Variants in SLC5A4 observed in about 807,000 individuals in gnomAD.
SLC5A4 encodes solute carrier family 5 member 4, also known as probable glucose sensor protein SLC5A4.
SLC5A4 carries 55 observed loss-of-function variants against 70.3 expected under a neutral mutation model. The observed-to-expected ratio is 0.78, with a 90% CI of 0.63 to 0.98. SLC5A4 has a LOEUF of 0.98. SLC5A4 is among the 50% of genes least tolerant of loss of function. The probability of loss-of-function intolerance (pLI) is 0.00; values close to 1 mark genes in which losing one functional copy is unlikely to be tolerated. For missense variants in SLC5A4, 735 were observed against 839.2 expected (o/e 0.88, Z 1.53); for synonymous variants, 268 against 305.7 (o/e 0.88, Z 1.29).
At chr22:32,348,564 C>CAGAA in the SLC5A4 span, among the ~76,000 whole-genome samples, 7 of 152,142 alleles carry the variant, frequency 4.6e-5, no homozygotes, top group Non-Finnish European at 5.9e-5. Flanking sequence ...AGAAAGAACT[C>CAGAA]AATATGAAAC....
chr22:32,307,210 G>A, the SLC5A4 span, among the ~76,000 whole-genome samples: 1 of 152,154 alleles, frequency 6.6e-6, no homozygotes, highest in African/African-American at 2.4e-5. Context: ...AGTCTGTTAA[G>A]GGCAAATCTG....
chr22:32,222,633 C>G (rs1241068896), intron 13 of SLC5A4, among the ~76,000 whole-genome samples: 1 of 152,158 alleles, frequency 6.6e-6, no homozygotes, highest in Non-Finnish European at 1.5e-5. Context: ...GTTCTTTCAT[C>G]TAACTCAATA....
chr22:32,282,951 A>G, the SLC5A4 span, among the ~76,000 whole-genome samples: 2 of 152,308 alleles, frequency 1.3e-5, no homozygotes, highest in East Asian at 3.9e-4. Context: ...GTCTGCTCTC[A>G]GCACTGCAGT....
chr22:32,332,713 G>A, the SLC5A4 span, among the ~76,000 whole-genome samples: 13 of 151,996 alleles, frequency 8.6e-5, no homozygotes, highest in African/African-American at 2.4e-4. Context: ...CCCTCCTGAC[G>A]TTCAGACACT....
At chr22:32,319,607 G>T in the SLC5A4 span, among the ~76,000 whole-genome samples, 1 of 152,116 alleles carries the variant, frequency 6.6e-6, no homozygotes, top group Non-Finnish European at 1.5e-5. Context: ...GTCTATATGC[G>T]ATTGGTTCTG....
chr22:32,289,733 C>T, the SLC5A4 span, among the ~76,000 whole-genome samples: 5 of 152,298 alleles, frequency 3.3e-5, no homozygotes, highest in South Asian at 2.1e-4. Flanking sequence ...ATAAGTTACC[C>T]AGTCTTAAGT....
At chr22:32,326,512 C>T in the SLC5A4 span, among the ~76,000 whole-genome samples, 1 of 152,136 alleles carries the variant, frequency 6.6e-6, no homozygotes, top group Non-Finnish European at 1.5e-5. Context: ...GCCTCGGCCT[C>T]TCAAAGTGCT....
intron 5 of SLC5A4, among the ~76,000 whole-genome samples, chr22:32,243,845 C>T (rs1603233218): frequency 6.6e-6 from 1 of 151,952 alleles, no homozygotes; most frequent in South Asian, 2.1e-4. Context: ...AAAAATTAGC[C>T]GAGCGTGTTG....
the SLC5A4 span, among the ~76,000 whole-genome samples, chr22:32,324,164 C>T: frequency 9.4e-5 from 14 of 149,524 alleles, no homozygotes; most frequent in African/African-American, 3.2e-4. Flanking sequence ...CTCTATTTCT[C>T]ATGCCAGTGG....
intron 3 of SLC5A4, among the ~76,000 whole-genome samples, chr22:32,249,371 A>C (rs1927016095): frequency 1.3e-5 from 2 of 152,198 alleles, no homozygotes; most frequent in South Asian, 4.1e-4. Context: ...TCACAGTGAC[A>C]GGGGGAGCAG....
At chr22:32,234,051 C>T (rs749031145) in intron 8 of SLC5A4, among the ~76,000 whole-genome samples, 6 of 152,126 alleles carry the variant, frequency 3.9e-5, no homozygotes, top group Non-Finnish European at 7.4e-5. Context: ...TGAAAGACAG[C>T]TAAACTCTCA....
chr22:32,353,220 G>T, the SLC5A4 span, among the ~76,000 whole-genome samples: 2 of 152,042 alleles, frequency 1.3e-5, no homozygotes, highest in East Asian at 3.9e-4. Context: ...TACTAGAACC[G>T]CTGGGCCCAC....
upstream of SLC5A4, among the ~76,000 whole-genome samples, chr22:32,258,922 A>G (rs1927617093): frequency 6.6e-6 from 1 of 152,226 alleles, no homozygotes; most frequent in African/African-American, 2.4e-5. Flanking sequence ...AATATGCAAC[A>G]ATGTGCATGA....
At chr22:32,348,200 G>A in the SLC5A4 span, among the ~76,000 whole-genome samples, 75 of 152,356 alleles carry the variant, frequency 4.9e-4, no homozygotes, top group African/African-American at 1.8e-3. Flanking sequence ...CCCCACCCCA[G>A]GACTTCGCTC....
At chr22:32,255,160 G>A (rs1480519538) in intron 1 of SLC5A4, 35 bp downstream of exon 1, 2 of 1,595,170 alleles carry the variant, frequency 1.3e-6, no homozygotes, top group Non-Finnish European at 1.7e-6. Context: ...CCTAAACCTT[G>A]TGCCCACCCT....
chr22:32,260,864 G>A, the SLC5A4 span, among the ~76,000 whole-genome samples: 1 of 152,198 alleles, frequency 6.6e-6, no homozygotes, highest in Admixed American at 6.5e-5. Flanking sequence ...TCTGAAGTCA[G>A]GAGTTTGACA....
chr22:32,310,447 A>ACAGCTGTGGCTGCCC, the SLC5A4 span, among the ~76,000 whole-genome samples: 1 of 152,170 alleles, frequency 6.6e-6, no homozygotes, highest in African/African-American at 2.4e-5. Flanking sequence ...CACGTGGGAC[A>ACAGCTGTGGCTGCCC]CAGCTGTGGC....
Position 32,218,580 on chromosome 22 carries a change from T to G in SLC5A4, c.1914A>C (p.Thr638=). 1 of 1,614,028 alleles carries G rather than the reference T, an allele frequency of 6.2e-7. No individual in the cohort carries two copies. The highest frequency in any genetic ancestry group is 8.5e-7 in the Non-Finnish European group (1 of 1,179,984). The change falls in exon 15 of 15, where the codon ACA becomes ACC. Residue 638 remains threonine, a synonymous_variant. Coordinates refer to ENST00000266086, the MANE Select transcript of SLC5A4 (RefSeq NM_014227.3). The part of the protein sequence containing the change: ...TDTSERPSWR[T]IVNINAILLL... Reference sequence around the variant, plus strand: ...GGAGGATGGCGTTGATGTTCACTATTGTCCTCCACGAGGGCCTCTCAGACG... The same window carrying G: ...GGAGGATGGCGTTGATGTTCACTATGGTCCTCCACGAGGGCCTCTCAGACG...
At chr22:32,293,984 G>A in the SLC5A4 span, among the ~76,000 whole-genome samples, 1 of 151,798 alleles carries the variant, frequency 6.6e-6, no homozygotes, top group African/African-American at 2.4e-5. Context: ...AAGTCTAATT[G>A]TGCTTCCTTG....
Sources: allele counts gnomAD v4.1 joint callset (sites outside exome capture counted in the v4.1 genomes callset), GRCh38; gene constraint gnomAD v4.1.1; transcripts MANE v1.5; gene names NCBI Gene and HGNC (gene_info 2026-07-23, HGNC 2026-07-21).